Variants in DHX29 observed in about 807,000 individuals in gnomAD.
DHX29 encodes the protein ATP-dependent RNA helicase DHX29.
DHX29 carries 79 observed loss-of-function variants against 167.9 expected under a neutral mutation model. The ratio of observed to expected loss-of-function variants is 0.47; its 90% CI spans 0.39 to 0.57. DHX29 has a LOEUF of 0.57. Among genes scored for constraint, DHX29 ranks in the 20% least tolerant of loss-of-function variants. The pLI is 0.00. For missense variants in DHX29, 1,347 were observed against 1,593.4 expected, an observed-to-expected ratio of 0.85 and a Z score of 2.63; for synonymous variants, 530 against 546.0, an observed-to-expected ratio of 0.97 and a Z score of 0.41.
intron 2 of DHX29, among the ~76,000 whole-genome samples, chr5:55,297,603 CAAGAT>C (rs1211036546): frequency 1.3e-5 from 2 of 152,080 alleles, no homozygotes; most frequent in African/African-American, 4.8e-5. Flanking sequence ...AAAAAAGCAA[CAAGAT>C]AACACATGGC....
chr5:55,259,792 A>G, intron 26 of DHX29, 56 bp downstream of exon 26: 1 of 977,870 alleles, frequency 1.0e-6, no homozygotes, highest in South Asian at 1.4e-5. Context: ...ATACATAGGT[A>G]TGTGTACACA....
At chr5:55,289,777 G>A (rs1013580826) in intron 7 of DHX29, among the ~76,000 whole-genome samples, 5 of 152,208 alleles carry the variant, frequency 3.3e-5, no homozygotes, top group South Asian at 4.1e-4. Flanking sequence ...GAATGACCAC[G>A]ATATTTTATG....
intron 9 of DHX29, 44 bp from the exon 10 acceptor site, chr5:55,285,460 G>A: frequency 1.3e-6 from 2 of 1,539,106 alleles, no homozygotes; most frequent in South Asian, 2.4e-5. Context: ...AGTTGACAAA[G>A]TCAGATAAAA....
chr5:55,292,962 A>G (rs1174602540), intron 6 of DHX29, among the ~76,000 whole-genome samples: 1 of 151,924 alleles, frequency 6.6e-6, no homozygotes, highest in Non-Finnish European at 1.5e-5. Flanking sequence ...ATACAGAAAC[A>G]TGGTTTAAAA....
At chr5:55,285,534 G>A in intron 9 of DHX29, 118 bp from the exon 10 acceptor site, 1 of 1,237,296 alleles carries the variant, frequency 8.1e-7, no homozygotes, top group East Asian at 2.6e-5. Context: ...TTCCATGGAA[G>A]GCATTATTAG....
At chr5:55,271,597 T>C (rs904180025) in intron 18 of DHX29, among the ~76,000 whole-genome samples, 11 of 152,326 alleles carry the variant, frequency 7.2e-5, no homozygotes, top group Middle Eastern at 3.4e-3. Context: ...CACTGCACTC[T>C]AGCCTGGGTA....
At chr5:55,259,805 C>T in intron 26 of DHX29, 43 bp downstream of exon 26, 1 of 1,149,396 alleles carries the variant, frequency 8.7e-7, no homozygotes, top group Non-Finnish European at 1.3e-6. Flanking sequence ...TGTACACATA[C>T]ACATATGTGT....
At chr5:55,287,923 T>A in intron 8 of DHX29, among the ~76,000 whole-genome samples, 1 of 139,362 alleles carries the variant, frequency 7.2e-6, no homozygotes. Context: ...CACTCCAGCC[T>A]GAGCTGGAAA....
chr5:55,302,312 T>C (rs1748644473), intron 1 of DHX29, among the ~76,000 whole-genome samples: 1 of 152,094 alleles, frequency 6.6e-6, no homozygotes, highest in Non-Finnish European at 1.5e-5. Flanking sequence ...TATAACCCTT[T>C]TAAAAAGTTA....
chr5:55,266,331 C>CG (rs1746569430), intron 23 of DHX29, among the ~76,000 whole-genome samples: 1 of 140,590 alleles, frequency 7.1e-6, no homozygotes, highest in African/African-American at 2.7e-5. Context: ...TTTTTTGAGA[C>CG]GGAGTTTTGC....
rs138322690 is a variant in DHX29, at chr5:55,280,811, G to A, written c.2109+561C>T. ...AGAATCACACAGACCCTAGATTATC[G>A]TTCCCCTTAACTACTCTATAGATAA... On this transcript the variant is annotated intron_variant, in intron 12 of 26. Transcript: ENST00000251636. Among the ~76,000 whole-genome samples the A allele has an allele frequency of 1.6e-3, 246 of 152,046 alleles. 2 individuals carry two copies. The Middle Eastern group carries it at 0.024, about 15-fold the overall frequency.
chr5:55,295,390 G>T lies in DHX29; in HGVS notation c.640C>A (p.Pro214Thr). 1 of 1,610,236 alleles carries T rather than the reference G, an allele frequency of 6.2e-7. No individual in the cohort carries two copies. The highest frequency in any genetic ancestry group is 8.5e-7 in the Non-Finnish European group (1 of 1,176,874). Reference protein sequence around the residue: ...QPKTKTYEEDPKSKPKKEEKN... With the variant: ...QPKTKTYEEDTKSKPKKEEKN... ...AATTCTCAAATTACCTTACTCTTAG[G>T]GTCCTCTTCATATGTTTTTGTTTTA... The change falls in exon 5 of 27, where the codon CCT becomes ACT. Residue 214 changes from proline (P) to threonine (T), a missense_variant. By Grantham distance (38) the Pro-to-Thr change is conservative (BLOSUM62 -1). Around this residue, in one of 3 missense-constraint regions of DHX29, gnomAD observed 405 missense variants for 416.8 expected, o/e 0.97. Coordinates refer to ENST00000251636, the MANE Select transcript of DHX29 (RefSeq NM_019030.4).
rs749454544 is a variant in DHX29 at position 55,273,253 on chromosome 5, T to C, written c.2775+40A>G. ...GTTATACGGCCATCATAAAATACTCTCAGGTGGATCACATATAAATTTGCT... is the reference window on the plus strand; with the variant it reads ...GTTATACGGCCATCATAAAATACTCCCAGGTGGATCACATATAAATTTGCT... On this transcript the variant is annotated intron_variant, in intron 17 of 26. Transcript: ENST00000251636. 3.9e-6 allele frequency: 6 copies of C among 1,535,454 alleles called. No homozygotes were observed. The South Asian group carries it at 6.3e-5, about 16-fold the overall frequency.
intron 5 of DHX29, 46 bp from the exon 6 acceptor site, chr5:55,294,191 G>A: frequency 1.3e-6 from 2 of 1,526,318 alleles, no homozygotes; most frequent in Non-Finnish European, 1.8e-6. Flanking sequence ...TTAGAAAAAG[G>A]TGTCAAAACT....
intron 25 of DHX29, 120 bp downstream of exon 25, chr5:55,261,248 T>A: frequency 2.0e-6 from 1 of 501,026 alleles, no homozygotes; most frequent in Non-Finnish European, 3.6e-6. Flanking sequence ...AATAAGGAAT[T>A]CTACTTAACT....
chr5:55,296,819 TAGATAA>T (rs1342092634), intron 3 of DHX29, among the ~76,000 whole-genome samples: 3 of 152,136 alleles, frequency 2.0e-5, no homozygotes, highest in Non-Finnish European at 2.9e-5. Context: ...AACATCTTTA[TAGATAA>T]AGATAAAGCA....
chr5:55,261,287 A>T, intron 25 of DHX29, 81 bp downstream of exon 25: 1 of 671,028 alleles, frequency 1.5e-6, no homozygotes, highest in Non-Finnish European at 2.5e-6. Context: ...TGCAAACTCC[A>T]ATAAAATTTA....
intron 4 of DHX29, 70 bp from the exon 5 acceptor site, chr5:55,295,594 A>G: frequency 6.6e-7 from 1 of 1,520,590 alleles, no homozygotes; most frequent in Non-Finnish European, 8.9e-7. Context: ...ATATTTGTTA[A>G]GCATTTGTAA....
intron 8 of DHX29, among the ~76,000 whole-genome samples, chr5:55,286,310 T>C (rs1235213863): frequency 1.3e-5 from 2 of 151,976 alleles, no homozygotes; most frequent in African/African-American, 2.4e-5. Flanking sequence ...TTGATTTTCT[T>C]CTATGTGACA....
Sources: allele counts gnomAD v4.1 joint callset (sites outside exome capture counted in the v4.1 genomes callset), GRCh38; gene constraint gnomAD v4.1.1; regional missense constraint gnomAD v4.1.1; transcripts MANE v1.5; gene names NCBI Gene and HGNC (gene_info 2026-07-23, HGNC 2026-07-21).